SPOCK3: variants seen among roughly 807,000 people sequenced by gnomAD.
SPOCK3 encodes testican-3.
A neutral mutation model predicts 56.6 loss-of-function variants in SPOCK3; 30 were observed. That is an observed-to-expected ratio of 0.53 (90% CI 0.40 to 0.72). SPOCK3 has a LOEUF of 0.72. Ranked by LOEUF, SPOCK3 falls within the 30% of genes least tolerant of loss-of-function variation. The pLI, the probability that SPOCK3 is intolerant of heterozygous loss-of-function variation, is 0.00. For missense variants in SPOCK3, 527 were observed against 530.0 expected (o/e 0.99, Z 0.06); for synonymous variants, 196 against 183.3 (o/e 1.07, Z -0.56).
At chr4:167,143,926 G>A (rs1415414684) in intron 2 of SPOCK3, among the ~76,000 whole-genome samples, 2 of 151,986 alleles carry the variant, frequency 1.3e-5, no homozygotes, top group Non-Finnish European at 2.9e-5. Context: ...CCAGCCAGAT[G>A]GGTGAGAGAG....
intron 2 of SPOCK3, among the ~76,000 whole-genome samples, chr4:167,108,995 T>A (rs866681243): frequency 2.2e-4 from 3 of 13,438 alleles, no homozygotes; most frequent in African/African-American, 4.9e-4. Context: ...TATATATTTA[T>A]ATATATATAA....
intron 4 of SPOCK3, among the ~76,000 whole-genome samples, chr4:166,972,532 T>C (rs902031221): frequency 6.6e-5 from 10 of 152,122 alleles, no homozygotes; most frequent in Non-Finnish European, 1.2e-4. Context: ...ACAAAAACAA[T>C]GATTTTCACA....
intron 2 of SPOCK3, among the ~76,000 whole-genome samples, chr4:167,197,610 GAA>G (rs34905918): frequency 0.019 from 2,697 of 140,040 alleles, 80 homozygotes; most frequent in African/African-American, 0.065. Context: ...CCTTCAACCA[GAA>G]AAAAAAAAAA....
chr4:166,964,532 T>C (rs1200822920), intron 4 of SPOCK3, among the ~76,000 whole-genome samples: 1 of 151,846 alleles, frequency 6.6e-6, no homozygotes, highest in Non-Finnish European at 1.5e-5. Flanking sequence ...TCTCATCACA[T>C]ATTTGTATTC....
chr4:166,863,315 C>T (rs1731435911), intron 6 of SPOCK3, among the ~76,000 whole-genome samples: 1 of 152,036 alleles, frequency 6.6e-6, no homozygotes, highest in African/African-American at 2.4e-5. Context: ...AAAACCACTA[C>T]CAGCCACTGC....
At chr4:166,821,202 G>A (rs1744901258) in intron 6 of SPOCK3, among the ~76,000 whole-genome samples, 1 of 152,012 alleles carries the variant, frequency 6.6e-6, no homozygotes, top group Non-Finnish European at 1.5e-5. Flanking sequence ...TTTCTGATAA[G>A]CACATGGAAA....
intron 3 of SPOCK3, among the ~76,000 whole-genome samples, chr4:167,042,815 T>C (rs1000923129): frequency 1.3e-5 from 2 of 152,150 alleles, no homozygotes; most frequent in African/African-American, 4.8e-5. Context: ...AGATGCTTTA[T>C]AAGGGCTTTA....
chr4:166,856,350 C>A (rs1449407908), intron 6 of SPOCK3, among the ~76,000 whole-genome samples: 1 of 151,948 alleles, frequency 6.6e-6, no homozygotes, highest in Non-Finnish European at 1.5e-5. Flanking sequence ...ATGGTCTTAC[C>A]ACAAAGAAAT....
intron 3 of SPOCK3, among the ~76,000 whole-genome samples, chr4:167,001,019 G>T (rs188494314): frequency 3.5e-4 from 53 of 152,298 alleles, no homozygotes; most frequent in African/African-American, 1.2e-3. Context: ...CATCATTTGT[G>T]CATAATATTT....
intron 4 of SPOCK3, among the ~76,000 whole-genome samples, chr4:166,956,162 T>C (rs1743437811): frequency 6.6e-6 from 1 of 151,998 alleles, no homozygotes; most frequent in African/African-American, 2.4e-5. Context: ...TTTTGAGGGT[T>C]ATGTGCCAAG....
intron 2 of SPOCK3, among the ~76,000 whole-genome samples, chr4:167,103,175 G>A (rs1759809400): frequency 6.6e-6 from 1 of 151,982 alleles, no homozygotes; most frequent in Non-Finnish European, 1.5e-5. Context: ...AAGAGCCCTT[G>A]GTCACTGAAG....
At chr4:166,999,069 G>C (rs1748687787) in intron 4 of SPOCK3, among the ~76,000 whole-genome samples, 1 of 152,168 alleles carries the variant, frequency 6.6e-6, no homozygotes, top group African/African-American at 2.4e-5. Context: ...TCACCCATTT[G>C]TGCTTTCCCC....
intron 2 of SPOCK3, among the ~76,000 whole-genome samples, chr4:167,227,940 G>A (rs1375033003): frequency 6.6e-6 from 1 of 152,050 alleles, no homozygotes; most frequent in Non-Finnish European, 1.5e-5. Context: ...TCCCAAGCAA[G>A]CTGACTAGCT....
intron 4 of SPOCK3, among the ~76,000 whole-genome samples, chr4:166,946,654 G>A (rs1037647603): frequency 1.3e-5 from 2 of 152,084 alleles, no homozygotes; most frequent in African/African-American, 4.8e-5. Flanking sequence ...TGTCTCTTTG[G>A]CATGTCGGAT....
intron 4 of SPOCK3, among the ~76,000 whole-genome samples, chr4:166,960,350 T>C (rs1384853935): frequency 6.6e-6 from 1 of 152,082 alleles, no homozygotes; most frequent in Admixed American, 6.6e-5. Context: ...TAAATTTCTA[T>C]GAAATATAGA....
At chr4:166,930,622 C>T (rs545929278) in intron 4 of SPOCK3, among the ~76,000 whole-genome samples, 1 of 152,226 alleles carries the variant, frequency 6.6e-6, no homozygotes, top group South Asian at 2.1e-4. Context: ...AAATAAATTA[C>T]TACATGATGA....
intron 4 of SPOCK3, among the ~76,000 whole-genome samples, chr4:166,943,758 A>C (rs1240024027): frequency 6.6e-6 from 1 of 151,990 alleles, no homozygotes; most frequent in Non-Finnish European, 1.5e-5. Context: ...TTTCATGTAA[A>C]CTCCACTTCC....
At chr4:166,941,821 A>C (rs923237193) in intron 4 of SPOCK3, among the ~76,000 whole-genome samples, 1 of 152,146 alleles carries the variant, frequency 6.6e-6, no homozygotes, top group Non-Finnish European at 1.5e-5. Flanking sequence ...CCGAGCCTTT[A>C]GGGAACCGTG....
intron 4 of SPOCK3, among the ~76,000 whole-genome samples, chr4:166,976,057 T>C (rs940632366): frequency 6.6e-6 from 1 of 151,968 alleles, no homozygotes; most frequent in African/African-American, 2.4e-5. Context: ...ATCTTGATCT[T>C]AATATGCCCT....
Sources: gnomAD v4.1 joint callset for allele counts (sites outside exome capture counted in the v4.1 genomes callset) on GRCh38, gnomAD v4.1.1 for gene constraint, MANE v1.5 for transcripts, NCBI Gene and HGNC (gene_info 2026-07-23, HGNC 2026-07-21) for gene names.